Variants in UST observed in about 807,000 individuals in gnomAD.
The protein encoded by UST is chondroitin sulfate 2-O-sulfotransferase.
Under a neutral mutation model 45.6 loss-of-function variants are expected in UST, and 21 were observed. The observed-to-expected ratio is 0.46, with a 90% confidence interval of 0.33 to 0.66. The LOEUF (loss-of-function observed/expected upper bound fraction) is 0.66. Ranked by LOEUF, UST falls within the 30% of genes least tolerant of loss-of-function variation. UST has a pLI of 0.02. For synonymous variants in UST, 215 were observed against 200.6 expected (o/e 1.07, Z -0.61); for missense variants, 463 against 512.4 (o/e 0.90, Z 0.93).
chr6:148,954,419 G>T (rs949822225), intron 4 of UST, among the ~76,000 whole-genome samples: 1 of 152,104 alleles, frequency 6.6e-6, no homozygotes, highest in African/African-American at 2.4e-5. Flanking sequence ...CGACATTTTG[G>T]TCAATGACAG....
At chr6:148,973,200 T>A (rs1780953781) in intron 5 of UST, among the ~76,000 whole-genome samples, 2 of 152,240 alleles carry the variant, frequency 1.3e-5, no homozygotes, top group Non-Finnish European at 2.9e-5. Flanking sequence ...ATAAATGTCT[T>A]AAGTCAGACT....
At chr6:148,992,849 CTT>C in intron 5 of UST, 1 of 275,758 alleles carries the variant, frequency 3.6e-6, no homozygotes, top group Non-Finnish European at 5.5e-6. Context: ...ATCTTAACCT[CTT>C]TTGTGTCATG....
chr6:148,910,938 A>AG (rs969285350), intron 2 of UST, among the ~76,000 whole-genome samples: 1 of 151,976 alleles, frequency 6.6e-6, no homozygotes, highest in Non-Finnish European at 1.5e-5. Flanking sequence ...CCAAGTTCCC[A>AG]GGGGGCCTTT....
At chr6:148,847,304 C>T (rs1021109984) in intron 1 of UST, among the ~76,000 whole-genome samples, 1 of 152,216 alleles carries the variant, frequency 6.6e-6, no homozygotes, top group East Asian at 1.9e-4. Context: ...TGAGTCAAAG[C>T]TTGACTGGGG....
intron 5 of UST, among the ~76,000 whole-genome samples, chr6:148,970,385 C>T (rs145570660): frequency 1.5e-3 from 225 of 152,236 alleles, no homozygotes; most frequent in African/African-American, 5.0e-3. Flanking sequence ...CCTCTCCTGG[C>T]GTAGGTATGA....
At chr6:149,067,892 G>A (rs1776765245) in intron 7 of UST, among the ~76,000 whole-genome samples, 2 of 152,088 alleles carry the variant, frequency 1.3e-5, no homozygotes, top group Admixed American at 1.3e-4. Flanking sequence ...TTTCCTACTG[G>A]AAACACAAAA....
chr6:148,919,279 A>G (rs563944832), intron 2 of UST, among the ~76,000 whole-genome samples: 6 of 152,236 alleles, frequency 3.9e-5, no homozygotes, highest in African/African-American at 1.4e-4. Context: ...GGCTGCCACC[A>G]CCAGAGGTCT....
chr6:148,839,127 G>C (rs530229376), intron 1 of UST, among the ~76,000 whole-genome samples: 2 of 151,944 alleles, frequency 1.3e-5, no homozygotes, highest in Non-Finnish European at 2.9e-5. Context: ...TTTATGGGAG[G>C]CCATTGTTTT....
At chr6:148,871,131 TCTCTCTCTCTCTCTCCCTCTCTCC>T (rs1778547076) in intron 1 of UST, among the ~76,000 whole-genome samples, 1 of 148,976 alleles carries the variant, frequency 6.7e-6, no homozygotes, top group African/African-American at 2.5e-5. Context: ...TCTCTCTCTC[TCTCTCTCTCTCTCTCCCTCTCTCC>T]CTCTCTCTCT....
chr6:149,033,495 A>G (rs1776187280), intron 7 of UST, among the ~76,000 whole-genome samples: 1 of 152,268 alleles, frequency 6.6e-6, no homozygotes, highest in African/African-American at 2.4e-5. Flanking sequence ...TACAGCAAAA[A>G]GCTAGAAATA....
intron 1 of UST, among the ~76,000 whole-genome samples, chr6:148,765,979 G>T (rs1562561138): frequency 6.6e-6 from 1 of 152,190 alleles, no homozygotes; most frequent in African/African-American, 2.4e-5. Context: ...GATGTTGGCT[G>T]TGGGTTTGTC....
In UST at chr6:149,075,715, C is replaced by T. The variant is rs1372458873; in HGVS notation, c.*1599C>T. The T allele has an allele frequency of 9.9e-5, 15 of 152,068 alleles. No homozygotes were observed. The highest frequency in any genetic ancestry group is 9.2e-4 in the Admixed American group (14 of 15,268). 9.4% of individuals were successfully genotyped at this position (152,068 alleles called of 1,614,324 possible). ...GACGATAAACAGCTAGCTAAGAAGC[C>T]GAGGTTCAGTGGTGGCAGCAGGAAG... On this transcript the variant is annotated 3_prime_UTR_variant, in exon 8 of 8. Transcript: ENST00000367463.
intron 1 of UST, among the ~76,000 whole-genome samples, chr6:148,882,623 T>C (rs970326809): frequency 7.9e-5 from 12 of 151,404 alleles, no homozygotes; most frequent in African/African-American, 2.2e-4. Flanking sequence ...AGGGGAAAGA[T>C]AAGAAAATGA....
chr6:148,754,947 C>T (rs1776066872), intron 1 of UST, among the ~76,000 whole-genome samples: 1 of 152,154 alleles, frequency 6.6e-6, no homozygotes, highest in African/African-American at 2.4e-5. Flanking sequence ...GAATATTAAA[C>T]ACTTTACATT....
chr6:149,050,331 C>G (rs936666350), intron 7 of UST, among the ~76,000 whole-genome samples: 1 of 152,188 alleles, frequency 6.6e-6, no homozygotes, highest in Admixed American at 6.5e-5. Flanking sequence ...GATGGGGACT[C>G]ATCAGCTATT....
chr6:148,883,290 T>C (rs1258172195), intron 1 of UST, among the ~76,000 whole-genome samples: 4 of 152,168 alleles, frequency 2.6e-5, no homozygotes, highest in Admixed American at 2.6e-4. Context: ...TGGAAGGTAG[T>C]GAGAAGGATT....
intron 7 of UST, among the ~76,000 whole-genome samples, chr6:149,054,069 A>G (rs1431207544): frequency 6.6e-6 from 1 of 152,078 alleles, no homozygotes; most frequent in Admixed American, 6.5e-5. Flanking sequence ...CCATCCCCCC[A>G]TGCCCAGCAG....
chr6:148,973,941 G>T (rs1003649961), intron 5 of UST, among the ~76,000 whole-genome samples: 2 of 152,228 alleles, frequency 1.3e-5, no homozygotes, highest in African/African-American at 2.4e-5. Context: ...AATTGAATTA[G>T]ATAGTGTGTA....
chr6:149,010,895 CAAAAAAAAAAAAAAAA>C (rs1172538648), intron 5 of UST, among the ~76,000 whole-genome samples: 1 of 65,620 alleles, frequency 1.5e-5, no homozygotes, highest in Non-Finnish European at 2.8e-5. Context: ...CCGTCTCAAC[CAAAAAAAAAAAAAAAA>C]AAAAAAAACT....
Sources: allele counts gnomAD v4.1 joint callset (sites outside exome capture counted in the v4.1 genomes callset), GRCh38; gene constraint gnomAD v4.1.1; transcripts MANE v1.5; gene names NCBI Gene and HGNC (gene_info 2026-07-23, HGNC 2026-07-21).